The following PKP2 variants were observed in gnomAD, a reference collection of about 807,000 sequenced individuals.
PKP2 encodes plakophilin-2.
In PKP2, 73 loss-of-function variants were observed where a neutral mutation model predicts 83.4. The ratio of observed to expected loss-of-function variants is 0.88; its 90% CI spans 0.72 to 1.06. The LOEUF is 1.06. Ranked by LOEUF, PKP2 falls within the 50% of genes least tolerant of loss-of-function variation. The pLI is 0.00. For missense variants in PKP2, 966 were observed against 1,065.4 expected (o/e 0.91, Z 1.30); for synonymous variants, 409 against 430.4 (o/e 0.95, Z 0.62).
At chr12:32,796,005 T>C (rs1592726131) in intron 11 of PKP2, 104 bp downstream of exon 11, 1 of 1,029,626 alleles carries the variant, frequency 9.7e-7, no homozygotes, top group East Asian at 2.4e-5. Context: ...TTTGCTGCCA[T>C]GTTGCACATG....
chr12:32,835,847 G>A (rs1237739767), intron 6 of PKP2, among the ~76,000 whole-genome samples: 1 of 152,028 alleles, frequency 6.6e-6, no homozygotes, highest in Non-Finnish European at 1.5e-5. Flanking sequence ...TTAGAGATGG[G>A]TCCATGTAGC....
Position 32,854,713 on chromosome 12 carries a change from G to A in PKP2, c.1171-3740C>T, listed in dbSNP as rs116551709. ...GAACTTCAAAGAAGTTCTCATTTGA[G>A]TTGGTTTCTAAATACATGAAAGGGC... On this transcript the variant is annotated intron_variant, in intron 4 of 12. Transcript: ENST00000340811. Among the ~76,000 whole-genome samples, 830 of 152,278 alleles carry A rather than the reference G, an allele frequency of 5.5e-3. 10 individuals carry two copies. Among genetic ancestry groups the A allele is most frequent in the African/African-American group, 0.019 (777 of 41,562 alleles).
At chr12:32,842,905 C>T (rs1216842037) in intron 5 of PKP2, among the ~76,000 whole-genome samples, 1 of 151,954 alleles carries the variant, frequency 6.6e-6, no homozygotes, top group African/African-American at 2.4e-5. Context: ...GAACCCTTGA[C>T]CTGGTGATCC....
At chr12:32,813,137 T>C (rs894549972) in intron 9 of PKP2, among the ~76,000 whole-genome samples, 2 of 152,154 alleles carry the variant, frequency 1.3e-5, no homozygotes, top group African/African-American at 2.4e-5. Context: ...ATTAGCCCAA[T>C]AGTGACCAAA....
At chr12:32,826,035 T>C (rs1019097572) in intron 6 of PKP2, among the ~76,000 whole-genome samples, 1 of 152,104 alleles carries the variant, frequency 6.6e-6, no homozygotes, top group Non-Finnish European at 1.5e-5. Context: ...CTGGGTGTGG[T>C]GGCTTACACC....
At chr12:32,858,064 CAAAAAAAAA>C (rs777690496) in intron 4 of PKP2, among the ~76,000 whole-genome samples, 1 of 27,400 alleles carries the variant, frequency 3.6e-5, no homozygotes, top group African/African-American at 1.3e-4. Context: ...CCCATCTCTA[CAAAAAAAAA>C]AAAAAAAAAA....
chr12:32,853,407 A>C (rs563356188), intron 4 of PKP2, among the ~76,000 whole-genome samples: 22 of 151,346 alleles, frequency 1.5e-4, no homozygotes, highest in Middle Eastern at 3.4e-3. Context: ...AAAAAAAAAA[A>C]AAAAACCAAA....
chr12:32,833,708 A>G (rs1956520923), intron 6 of PKP2, among the ~76,000 whole-genome samples: 1 of 152,218 alleles, frequency 6.6e-6, no homozygotes, highest in Non-Finnish European at 1.5e-5. Flanking sequence ...AGGTGGGAAA[A>G]AGTGAAGTTT....
intron 1 of PKP2, among the ~76,000 whole-genome samples, chr12:32,895,325 C>T (rs570297407): frequency 5.9e-5 from 9 of 152,258 alleles, no homozygotes; most frequent in East Asian, 3.9e-4. Flanking sequence ...ATATTGACTA[C>T]GTCATCCTTT....
chr12:32,851,004 A>T (rs778428758), intron 4 of PKP2, 31 bp from the exon 5 acceptor site: 1 of 1,562,152 alleles, frequency 6.4e-7, no homozygotes, highest in Non-Finnish European at 8.8e-7. Flanking sequence ...TATTTCTAAT[A>T]TTAATTTTGA....
chr12:32,881,688 C>T (rs980107135), intron 1 of PKP2, among the ~76,000 whole-genome samples: 1 of 152,134 alleles, frequency 6.6e-6, no homozygotes, highest in Non-Finnish European at 1.5e-5. Context: ...GAGTTTCGCT[C>T]TTGTTGCCCA....
intron 9 of PKP2, among the ~76,000 whole-genome samples, chr12:32,804,935 T>C (rs1956214816): frequency 6.6e-6 from 1 of 152,206 alleles, no homozygotes; most frequent in East Asian, 1.9e-4. Context: ...AAAAGCATTC[T>C]TTTTTCTCTG....
intron 3 of PKP2, among the ~76,000 whole-genome samples, chr12:32,870,216 T>A (rs1485394503): frequency 2.6e-5 from 4 of 152,156 alleles, no homozygotes; most frequent in Non-Finnish European, 5.9e-5. Flanking sequence ...GAGTAAATAC[T>A]CTTTTCTATT....
In PKP2 at chr12:32,822,480, C is replaced by T. The variant is rs1193209593; in HGVS notation, c.1826G>A (p.Arg609Lys). The T allele has an allele frequency of 6.2e-7, 1 of 1,613,970 alleles. No homozygotes were observed. Among genetic ancestry groups the T allele is most frequent in the Admixed American group, 1.7e-5 (1 of 60,004 alleles). Residue 609 changes from arginine to lysine, a missense_variant, in exon 8 of 13, where the codon AGG (arginine) becomes AAG (lysine). Physicochemically the swap from Arg to Lys is conservative, Grantham distance 26. Transcript: ENST00000340811. ...TTCCCAATATACCTCTTTTACTTTC[C>T]TGCTTCGACTGCCAAAACATCCAAT... ...KSIGCFGSRSRKVKEQYQDVP... is the reference protein window; with the variant it reads ...KSIGCFGSRSKKVKEQYQDVP...
chr12:32,886,770 T>C (rs1013947965), intron 1 of PKP2, among the ~76,000 whole-genome samples: 1 of 152,108 alleles, frequency 6.6e-6, no homozygotes, highest in Non-Finnish European at 1.5e-5. Flanking sequence ...GGTGGGTGGA[T>C]CACTCGAGTC....
chr12:32,828,873 C>T (rs1956469650), intron 6 of PKP2, among the ~76,000 whole-genome samples: 2 of 152,142 alleles, frequency 1.3e-5, no homozygotes, highest in African/African-American at 4.8e-5. Context: ...CGTCTGAGTG[C>T]ATCTTTTCAA....
rs79499705 is a variant in PKP2, at chr12:32,801,370, A to C, written c.2167+1033T>G. On this transcript the variant is annotated intron_variant, in intron 10 of 12. Transcript: ENST00000340811. ...CACTGCCATTGAAGTTCAGCACAAA[A>C]GACCATGGGGAGAGCATTTTAATAA... Among the ~76,000 whole-genome samples the C allele has an allele frequency of 4.6e-3, 653 of 143,416 alleles. 8 individuals are homozygous for C. Among genetic ancestry groups the C allele is most frequent in the African/African-American group, 0.016 (610 of 37,830 alleles). 94.1% of individuals were successfully genotyped at this position (143,416 alleles called of 152,430 possible). A position where few individuals can be genotyped will look rare whatever the true frequency, so the allele number is the denominator to read the frequency against.
At chr12:32,882,462 T>C (rs1025089529) in intron 1 of PKP2, among the ~76,000 whole-genome samples, 6 of 152,228 alleles carry the variant, frequency 3.9e-5, no homozygotes, top group Non-Finnish European at 8.8e-5. Flanking sequence ...AATGGCGTGC[T>C]TCTTCCATCT....
At chr12:32,814,089 A>C (rs1956300068) in intron 9 of PKP2, among the ~76,000 whole-genome samples, 1 of 151,852 alleles carries the variant, frequency 6.6e-6, no homozygotes, top group Non-Finnish European at 1.5e-5. Context: ...GACGTTTGGC[A>C]CTCTCTGTCT....
Sources: allele counts gnomAD v4.1 joint callset (sites outside exome capture counted in the v4.1 genomes callset), GRCh38; gene constraint gnomAD v4.1.1; transcripts MANE v1.5; gene names NCBI Gene and HGNC (gene_info 2026-07-23, HGNC 2026-07-21).